UTP18: variants seen among roughly 807,000 people sequenced by gnomAD.
UTP18 encodes UTP18 small subunit processome component, also known as U3 small nucleolar RNA-associated protein 18 homolog.
In UTP18, 36 loss-of-function variants were observed where a neutral mutation model predicts 61.1. That is an observed-to-expected ratio of 0.59 (90% CI 0.45 to 0.78). The LOEUF is 0.78. Ranked by LOEUF, UTP18 falls within the 30% of genes least tolerant of loss-of-function variation. UTP18 has a pLI of 0.00. For synonymous variants in UTP18, 282 were observed against 251.1 expected (o/e 1.12, Z -1.16); for missense variants, 753 against 693.9 (o/e 1.09, Z -0.96).
chr17:51,277,008 A>T (rs376890315), intron 6 of UTP18, 122 bp from the exon 7 acceptor site: 3 of 1,012,848 alleles, frequency 3.0e-6, no homozygotes, highest in Non-Finnish European at 2.9e-6. Flanking sequence ...GTGGCTGCTT[A>T]AGTCAGCCTT....
chr17:51,262,850 T>A (rs1037783505), intron 1 of UTP18, among the ~76,000 whole-genome samples: 1 of 152,186 alleles, frequency 6.6e-6, no homozygotes, highest in Non-Finnish European at 1.5e-5. Flanking sequence ...TTGCGCTCTC[T>A]GCTGGTATAA....
At chr17:51,271,566 C>G (rs1904531726) in intron 4 of UTP18, among the ~76,000 whole-genome samples, 1 of 152,134 alleles carries the variant, frequency 6.6e-6, no homozygotes, top group Non-Finnish European at 1.5e-5. Context: ...TTCTGTACTT[C>G]AGTCTGGGTA....
At chr17:51,285,841 G>T (rs1905091704) in intron 10 of UTP18, among the ~76,000 whole-genome samples, 1 of 152,192 alleles carries the variant, frequency 6.6e-6, no homozygotes, top group South Asian at 2.1e-4. Flanking sequence ...GGGGGTCTTG[G>T]AACATACGCC....
At chr17:51,288,713 C>T (rs1905173978) in intron 11 of UTP18, 11 of 429,560 alleles carry the variant, frequency 2.6e-5, no homozygotes, top group South Asian at 1.0e-4. Context: ...TGGTGGCTAA[C>T]GAGAGATGAC....
At chr17:51,293,797 T>A in intron 11 of UTP18, 106 bp from the exon 12 acceptor site, 1 of 1,022,492 alleles carries the variant, frequency 9.8e-7, no homozygotes, top group Non-Finnish European at 1.3e-6. Flanking sequence ...TGTGCTACAA[T>A]CAAAATGAGC....
chr17:51,268,936 C>A lies in UTP18; in HGVS notation c.622+32C>A, dbSNP rs777797258. ...GTTGATATTTCTGTTTAAATTAGTA[C>A]ATAAGTCCCTGTTCCTGTTCGTTAT... On this transcript the variant is annotated intron_variant, in intron 4 of 13. Transcript: ENST00000225298. 3.8e-6 allele frequency: 6 copies of A among 1,591,046 alleles called. 1 individual carries two copies. Among genetic ancestry groups the A allele is most frequent in the East Asian group, 2.2e-5 (1 of 44,720 alleles).
chr17:51,285,284 A>G lies in UTP18; in HGVS notation c.1244A>G (p.Lys415Arg), dbSNP rs773049816. Residue 415 changes from lysine (K) to arginine (R), a missense_variant, in exon 10 of 14, where the codon AAG (lysine) becomes AGG (arginine). By Grantham distance (26) the Lys-to-Arg change is conservative. Transcript: ENST00000225298. ...TATGTTTGGGATGTGAACTCAAGGA[A>G]GTGCCTTAACAGATTTGTTGATGAA... ...EVYVWDVNSR[K>R]CLNRFVDEGS... The G allele has an allele frequency of 6.2e-7, 1 of 1,613,996 alleles. No individual in the cohort carries two copies. The highest frequency in any genetic ancestry group is 1.7e-5 in the Admixed American group (1 of 60,024).
chr17:51,262,415 G>A (rs73334961), intron 1 of UTP18, among the ~76,000 whole-genome samples: 4,548 of 152,072 alleles, frequency 0.03, 242 homozygotes, highest in African/African-American at 0.11. Context: ...AAACTTTATG[G>A]TATAAATTTA....
At chr17:51,277,024 C>A in intron 6 of UTP18, 106 bp from the exon 7 acceptor site, 1 of 1,222,876 alleles carries the variant, frequency 8.2e-7, no homozygotes. Context: ...GCCTTCAGCC[C>A]CTTGGATATG....
Position 51,287,081 on chromosome 17 carries a change from T to C in UTP18, c.1329-948T>C, listed in dbSNP as rs989609966. Among the ~76,000 whole-genome samples the C allele has an allele frequency of 8.1e-5, 12 of 147,470 alleles. No homozygotes were observed. The Admixed American group carries it at 8.5e-4, about 10-fold the overall frequency. ...TGCCTCTATATGGGGCAAGAAAAACTGCGCAGAAATGATCTTCACTCAGAT... is the reference window on the plus strand; with the variant it reads ...TGCCTCTATATGGGGCAAGAAAAACCGCGCAGAAATGATCTTCACTCAGAT... On this transcript the variant is annotated intron_variant, in intron 10 of 13. Transcript: ENST00000225298.
intron 12 of UTP18, 46 bp downstream of exon 12, chr17:51,294,091 T>C: frequency 1.3e-6 from 2 of 1,482,268 alleles, no homozygotes; most frequent in Non-Finnish European, 1.8e-6. Flanking sequence ...TATAAACTAC[T>C]TCTGACAGTA....
chr17:51,286,449 T>C (rs1190090254), intron 10 of UTP18: 3 of 455,714 alleles, frequency 6.6e-6, no homozygotes, highest in Non-Finnish European at 1.3e-5. Flanking sequence ...AAACTTAGCA[T>C]ACTCTCTACT....
chr17:51,265,562 C>CTTTTTTTTTTT lies in UTP18; in HGVS notation c.456-609_456-599dup, dbSNP rs10695281. Among the ~76,000 whole-genome samples, 14 of 85,558 alleles carry CTTTTTTTTTTT rather than the reference C, an allele frequency of 1.6e-4. 1 individual carries two copies. The highest frequency in any genetic ancestry group is 6.9e-4 in the African/African-American group (14 of 20,216). 56.1% of individuals were successfully genotyped at this position (85,558 alleles called of 152,430 possible). A position where few individuals can be genotyped will look rare whatever the true frequency, so the allele number is the denominator to read the frequency against. ...GCAGGCATGAGCCACCGTGCCCGGC[C>CTTTTTTTTTTT]TTTTTTTTTTTTTTTTTTTTTGAGA... On this transcript the variant is annotated intron_variant, in intron 2 of 13. Coordinates refer to ENST00000225298, the MANE Select transcript of UTP18 (RefSeq NM_016001.3).
At chr17:51,269,864 T>TGTGTGTGTCA (rs1363360101) in intron 4 of UTP18, among the ~76,000 whole-genome samples, 22 of 151,896 alleles carry the variant, frequency 1.4e-4, no homozygotes, top group Admixed American at 1.4e-3. Flanking sequence ...TGTGTGTGTG[T>TGTGTGTGTCA]GTGTGTCAGT....
Position 51,297,764 on chromosome 17 carries a change from C to CT in UTP18, c.*15-14dup. On this transcript the variant is annotated splice_polypyrimidine_tract_variant and intron_variant, in intron 13 of 13. Transcript: ENST00000225298. Reference sequence around the variant, plus strand: ...CAGCTATAAATCAGGTATGTAATTTCTTTTGTTCTTTCCTCAGGTCCAGTT... The same window carrying CT: ...CAGCTATAAATCAGGTATGTAATTTCTTTTTGTTCTTTCCTCAGGTCCAGTT... The CT allele has an allele frequency of 2.3e-6, 1 of 433,412 alleles. No homozygotes were observed. The allele number at this position is 433,412 out of a possible 1,614,324, so 26.8% of individuals were successfully genotyped here.
At chr17:51,277,423 A>G (rs1288732771) in intron 7 of UTP18, 119 bp downstream of exon 7, 3 of 1,176,036 alleles carry the variant, frequency 2.6e-6, no homozygotes, top group South Asian at 1.7e-5. Context: ...TTCTTTAGGT[A>G]TAGTGTTTGG....
At position 51,273,241 on chromosome 17, in the gene UTP18, A is replaced by G. The variant is rs1169358220; in HGVS notation, c.623-121A>G. ...GCCAGTTGCAGCTTTAAAAAAAGCA[A>G]TTGAGGTAGGGAGGCTGGAAAGGGA... is the stretch of plus-strand genomic sequence containing the variant. On this transcript the variant is annotated intron_variant, in intron 4 of 13. Coordinates refer to ENST00000225298, the MANE Select transcript of UTP18 (RefSeq NM_016001.3). 2.6e-5 allele frequency: 15 copies of G among 582,276 alleles called. No homozygotes were observed. The Admixed American group carries it at 3.0e-4, about 12-fold the overall frequency. 36.1% of individuals were successfully genotyped at this position (582,276 alleles called of 1,614,324 possible).
At chr17:51,274,586 C>A (rs1276640669) in intron 5 of UTP18, among the ~76,000 whole-genome samples, 1 of 151,994 alleles carries the variant, frequency 6.6e-6, no homozygotes, top group Non-Finnish European at 1.5e-5. Flanking sequence ...GGATTACAGG[C>A]ATGCACCACC....
At chr17:51,269,435 G>A (rs1408152108) in intron 4 of UTP18, among the ~76,000 whole-genome samples, 1 of 151,400 alleles carries the variant, frequency 6.6e-6, no homozygotes. Flanking sequence ...GGATGGCTTA[G>A]CTAAAATCTG....
Sources: allele counts gnomAD v4.1 joint callset (sites outside exome capture counted in the v4.1 genomes callset), GRCh38; gene constraint gnomAD v4.1.1; transcripts MANE v1.5; gene names NCBI Gene and HGNC (gene_info 2026-07-23, HGNC 2026-07-21).